The following MARS1 variants were observed in gnomAD, a reference collection of about 807,000 sequenced individuals.
MARS1 encodes the protein methionyl-tRNA synthetase 1.
A neutral mutation model predicts 119.5 loss-of-function variants in MARS1; 80 were observed. The ratio of observed to expected loss-of-function variants is 0.67; its 90% CI spans 0.56 to 0.81. MARS1 has a LOEUF of 0.81. MARS1 is among the 30% of genes least tolerant of loss of function. The pLI, the probability that MARS1 is intolerant of heterozygous loss-of-function variation, is 0.00. For synonymous variants in MARS1, 418 were observed against 433.4 expected, an observed-to-expected ratio of 0.96 and a Z score of 0.44; for missense variants, 945 against 1,116.5, an observed-to-expected ratio of 0.85 and a Z score of 2.19.
At position 57,516,428 on chromosome 12, in the gene MARS1, A is replaced by C; in HGVS notation, c.2557-7A>C. 6.2e-7 allele frequency: 1 copy of C among 1,612,864 alleles called. No homozygotes were observed. The highest frequency in any genetic ancestry group is 2.2e-5 in the East Asian group (1 of 44,868). ...CACTGTTACCTCCCCACCCCCCTTTATCTTAGGGAAACATTGTCCGAGAAC... is the reference window on the plus strand; with the variant it reads ...CACTGTTACCTCCCCACCCCCCTTTCTCTTAGGGAAACATTGTCCGAGAAC... On this transcript the variant is annotated splice_region_variant and splice_polypyrimidine_tract_variant and intron_variant, in intron 20 of 20. Coordinates refer to ENST00000262027, the MANE Select transcript of MARS1 (RefSeq NM_004990.4).
At chr12:57,488,960 C>T (rs1482340208) in intron 1 of MARS1, 59 bp from the exon 2 acceptor site, 5 of 1,315,684 alleles carry the variant, frequency 3.8e-6, no homozygotes, top group East Asian at 2.3e-5. Flanking sequence ...CCTAAGTTGA[C>T]AAAGTATTTC....
intron 7 of MARS1, among the ~76,000 whole-genome samples, chr12:57,493,717 T>TTA (rs1810270418): frequency 7.4e-5 from 1 of 13,484 alleles, no homozygotes; most frequent in African/African-American, 5.9e-4. Context: ...ATATTATATA[T>TTA]TATATATTAT....
At position 57,490,246 on chromosome 12, in the gene MARS1, G is replaced by A. The variant is rs987611632; in HGVS notation, c.530G>A (p.Ser177Asn). The A allele has an allele frequency of 1.2e-6, 2 of 1,613,856 alleles. No individual in the cohort carries two copies. The highest frequency in any genetic ancestry group is 2.7e-5 in the African/African-American group (2 of 75,034). The stretch of plus-strand genomic sequence containing the variant: ...CTGCACAGCTGGTTCCAGACACTGA[G>A]TACCCAGGAACCATGTCAGCGAGCT... Reference protein sequence around the residue: ...SALHSWFQTLSTQEPCQRAAE... With the variant: ...SALHSWFQTLNTQEPCQRAAE... Residue 177 changes from serine to asparagine, a missense_variant, in exon 6 of 21, where the codon AGT becomes AAT. Ser to Asn is a conservative substitution (Grantham distance 46). Coordinates refer to ENST00000262027, the MANE Select transcript of MARS1 (RefSeq NM_004990.4).
At chr12:57,495,034 T>C (rs7134758) in intron 7 of MARS1, among the ~76,000 whole-genome samples, 147,739 of 151,916 alleles carry the variant, frequency 0.97, 71,957 homozygotes, top group East Asian at 1. Context: ...ACCTCCCAGA[T>C]GGGGTGGCGG....
At chr12:57,515,461 T>A (rs923964397) in intron 18 of MARS1, 125 bp downstream of exon 18, 1 of 926,618 alleles carries the variant, frequency 1.1e-6, no homozygotes, top group Non-Finnish European at 1.6e-6. Context: ...GTTTCTGATA[T>A]AAAGTCCTTG....
At chr12:57,504,105 T>G in intron 10 of MARS1, 120 bp from the exon 11 acceptor site, 1 of 702,712 alleles carries the variant, frequency 1.4e-6, no homozygotes, top group Admixed American at 2.2e-5. Flanking sequence ...TATTGGAGTG[T>G]GAGCCTGAAG....
intron 10 of MARS1, among the ~76,000 whole-genome samples, chr12:57,501,820 TAAA>T (rs76780434): frequency 8.2e-6 from 1 of 121,328 alleles, no homozygotes; most frequent in Non-Finnish European, 1.7e-5. Context: ...AGACTCTGTC[TAAA>T]AAAAAAAAAA....
rs562335844 is a variant in MARS1, at chr12:57,489,795, G to A, written c.415-101G>A. ...GAGATCATATAAAGTGCTTAATACAGTGCTTGACATATAAAGTGCTCAGTA... is the reference window on the plus strand; with the variant it reads ...GAGATCATATAAAGTGCTTAATACAATGCTTGACATATAAAGTGCTCAGTA... On this transcript the variant is annotated intron_variant, in intron 4 of 20. Transcript: ENST00000262027. 3.8e-5 allele frequency: 45 copies of A among 1,168,946 alleles called. 1 individual carries two copies. In the South Asian group the frequency reaches 5.1e-4, roughly 13 times the overall value. 72.4% of individuals were successfully genotyped at this position (1,168,946 alleles called of 1,614,324 possible). A position where few individuals can be genotyped will look rare whatever the true frequency, so the allele number is the denominator to read the frequency against.
intron 11 of MARS1, among the ~76,000 whole-genome samples, chr12:57,505,891 A>C (rs538335204): frequency 6.6e-6 from 1 of 152,188 alleles, no homozygotes; most frequent in African/African-American, 2.4e-5. Flanking sequence ...AGGTGGGAGG[A>C]TTGCTTGAGC....
At chr12:57,495,516 A>G (rs1056466074) in intron 7 of MARS1, among the ~76,000 whole-genome samples, 1 of 149,742 alleles carries the variant, frequency 6.7e-6, no homozygotes, top group Non-Finnish European at 1.5e-5. Context: ...CACTTCCCAG[A>G]CTGGGCGGCC....
intron 15 of MARS1, among the ~76,000 whole-genome samples, chr12:57,513,812 C>T (rs974559610): frequency 1.1e-4 from 16 of 151,928 alleles, no homozygotes; most frequent in African/African-American, 3.6e-4. Flanking sequence ...TCACTTTCAG[C>T]TTTGGTAATT....
At chr12:57,492,146 G>T (rs181032930) in intron 7 of MARS1, among the ~76,000 whole-genome samples, 5,484 of 151,782 alleles carry the variant, frequency 0.036, 331 homozygotes, top group African/African-American at 0.12. Flanking sequence ...GGGCATTGTG[G>T]CGGGCACTTG....
At chr12:57,507,386 G>C (rs1430120073) in intron 11 of MARS1, among the ~76,000 whole-genome samples, 1 of 147,776 alleles carries the variant, frequency 6.8e-6, no homozygotes. Context: ...CAGACGGGGT[G>C]GTGGCCAGGC....
intron 10 of MARS1, 35 bp downstream of exon 10, chr12:57,500,557 G>C: frequency 6.3e-7 from 1 of 1,596,738 alleles, no homozygotes; most frequent in Non-Finnish European, 8.6e-7. Context: ...CCCGGAAGGA[G>C]ACAGTCCTTA....
In MARS1 at chr12:57,489,102, A is replaced by G. The variant is rs760507338; in HGVS notation, c.193A>G (p.Ile65Val). 1.5e-5 allele frequency: 24 copies of G among 1,613,692 alleles called. No homozygotes were observed. The highest frequency in any genetic ancestry group is 2.0e-5 in the Non-Finnish European group (24 of 1,179,926). Residue 65 changes from isoleucine (I) to valine (V), a missense_variant, in exon 2 of 21, where the codon ATC becomes GTC. By Grantham distance (29) the Ile-to-Val change is conservative (BLOSUM62 3). Transcript: ENST00000262027. ...CAACTACCTCTTCTCCACTAGTGCA[A>G]TCTGCCGGTCAGTATTGGTCCTTGG... ...SGNYLFSTSA[I>V]CRYFFLLSGW...
intron 7 of MARS1, among the ~76,000 whole-genome samples, chr12:57,492,118 A>G (rs1202587148): frequency 6.6e-6 from 1 of 151,060 alleles, no homozygotes; most frequent in African/African-American, 2.5e-5. Context: ...GCCTCTACTA[A>G]AAATACAAAA....
chr12:57,515,908 C>A lies in MARS1; in HGVS notation c.2392-12C>A. Reference sequence around the variant, plus strand: ...CCAATCAGTAGATGATTCTGGAACTCTTTTTTTACAGGTCAGTCCCTTGTT... The same window carrying A: ...CCAATCAGTAGATGATTCTGGAACTATTTTTTTACAGGTCAGTCCCTTGTT... On this transcript the variant is annotated splice_polypyrimidine_tract_variant and intron_variant, in intron 18 of 20. Coordinates refer to ENST00000262027, the MANE Select transcript of MARS1 (RefSeq NM_004990.4). 3 of 1,610,466 alleles carry A rather than the reference C, an allele frequency of 1.9e-6. No homozygotes were observed. The highest frequency in any genetic ancestry group is 1.7e-4 in the Middle Eastern group (1 of 6,046).
chr12:57,490,653 A>G lies in MARS1; in HGVS notation c.770+9A>G. 6.2e-7 allele frequency: 1 copy of G among 1,612,372 alleles called. No individual in the cohort carries two copies. Among genetic ancestry groups the G allele is most frequent in the Non-Finnish European group, 8.5e-7 (1 of 1,178,502 alleles). On this transcript the variant is annotated intron_variant, in intron 7 of 20. Transcript: ENST00000262027. ...CCCCAGCAGAATCCAGTGTGAGTAGACATGGCACATGTGAGTGGGGCTTGA... is the reference window on the plus strand; with the variant it reads ...CCCCAGCAGAATCCAGTGTGAGTAGGCATGGCACATGTGAGTGGGGCTTGA...
rs994800039 is a variant in MARS1 at position 57,490,090 on chromosome 12, A to G, written c.491-117A>G. On this transcript the variant is annotated intron_variant, in intron 5 of 20. Transcript: ENST00000262027. ...CTTGACTGGGCAACTATAGCAGAAG[A>G]TGGTTGAGGGAACTGGGGAAAGCAA... 3.5e-6 allele frequency: 5 copies of G among 1,444,478 alleles called. No homozygotes were observed. In the African/African-American group the frequency reaches 7.0e-5, roughly 20 times the overall value. The allele number at this position is 1,444,478 out of a possible 1,614,324, so 89.5% of individuals were successfully genotyped here.
Sources: gnomAD v4.1 joint callset for allele counts (sites outside exome capture counted in the v4.1 genomes callset) on GRCh38, gnomAD v4.1.1 for gene constraint, MANE v1.5 for transcripts, NCBI Gene and HGNC (gene_info 2026-07-23, HGNC 2026-07-21) for gene names.